TPP2: variants seen among roughly 807,000 people sequenced by gnomAD.
TPP2 encodes tripeptidyl-peptidase 2.
Under a neutral mutation model 155.9 loss-of-function variants are expected in TPP2, and 34 were observed. The observed-to-expected ratio is 0.22, with a 90% CI of 0.17 to 0.29. TPP2 has a LOEUF of 0.29. TPP2 is among the 10% of genes least tolerant of loss of function. The pLI is 1.00. For synonymous variants in TPP2, 510 were observed against 529.4 expected, an observed-to-expected ratio of 0.96 and a Z score of 0.50; for missense variants, 1,028 against 1,522.3, an observed-to-expected ratio of 0.68 and a Z score of 5.40.
intron 3 of TPP2, among the ~76,000 whole-genome samples, chr13:102,614,756 G>A (rs996591938): frequency 1.3e-5 from 2 of 152,158 alleles, no homozygotes; most frequent in Non-Finnish European, 2.9e-5. Flanking sequence ...CTTTAAAACA[G>A]TTCAATAGAA....
rs77315340 is a variant in TPP2 at position 102,677,046 on chromosome 13, T to G, written c.3699+631T>G. 4.9e-3 allele frequency among the ~76,000 whole-genome samples: 752 copies of G among 152,314 alleles called. 7 individuals are homozygous for G. Among genetic ancestry groups the G allele is most frequent in the African/African-American group, 0.017 (716 of 41,578 alleles). On this transcript the variant is annotated intron_variant, in intron 29 of 29. Transcript: ENST00000376052. ...GGGCAAGTCCAGGTTAATTATACTT[T>G]ATATGTAAGGTACCCTTTGGATGTA...
intron 19 of TPP2, among the ~76,000 whole-genome samples, chr13:102,645,215 G>A (rs145490434): frequency 1.3e-5 from 2 of 152,208 alleles, no homozygotes; most frequent in African/African-American, 4.8e-5. Context: ...CAAGGATGGT[G>A]GATAGCCGAT....
chr13:102,620,680 C>T (rs371013450), intron 5 of TPP2, among the ~76,000 whole-genome samples: 70 of 152,284 alleles, frequency 4.6e-4, no homozygotes, highest in East Asian at 7.7e-4. Flanking sequence ...AATTGTTTAG[C>T]GCGTATCTCT....
chr13:102,625,012 A>G (rs1158286064), intron 6 of TPP2, among the ~76,000 whole-genome samples: 1 of 150,786 alleles, frequency 6.6e-6, no homozygotes, highest in Admixed American at 6.6e-5. Context: ...GGCGCGTACC[A>G]CCACACCTGG....
At chr13:102,674,545 C>T in intron 28 of TPP2, 55 bp downstream of exon 28, 6 of 1,558,308 alleles carry the variant, frequency 3.9e-6, no homozygotes, top group Non-Finnish European at 5.3e-6. Flanking sequence ...TCACAGACCT[C>T]TCTTGTGCCC....
chr13:102,632,460 T>C (rs1882083344), intron 10 of TPP2, among the ~76,000 whole-genome samples: 1 of 152,050 alleles, frequency 6.6e-6, no homozygotes, highest in African/African-American at 2.4e-5. Context: ...CAGGCTGGTC[T>C]TGAACTCCTG....
intron 3 of TPP2, 38 bp downstream of exon 3, chr13:102,614,234 T>G: frequency 4.1e-6 from 6 of 1,461,876 alleles, no homozygotes; most frequent in Non-Finnish European, 4.7e-6. Flanking sequence ...TGTATTCTTC[T>G]GACTTGTCTT....
At chr13:102,665,123 G>A (rs978865233) in intron 27 of TPP2, among the ~76,000 whole-genome samples, 198 bp downstream of exon 27, 4 of 152,140 alleles carry the variant, frequency 2.6e-5, no homozygotes, top group Non-Finnish European at 5.9e-5. Flanking sequence ...GTAAGCCCAA[G>A]AAAAGTAGTT....
chr13:102,632,673 A>T lies in TPP2; in HGVS notation c.1245-1277A>T, dbSNP rs146673761. Reference sequence around the variant, plus strand: ...TGACTCTTTCCAGTTATTTTTTCCAATGCTATCAAATACCAATGCTCATTC... The same window carrying T: ...TGACTCTTTCCAGTTATTTTTTCCATTGCTATCAAATACCAATGCTCATTC... On this transcript the variant is annotated intron_variant, in intron 10 of 29. Coordinates refer to ENST00000376052, the MANE Select transcript of TPP2 (RefSeq NM_001330588.2). Among the ~76,000 whole-genome samples, 475 of 152,330 alleles carry T rather than the reference A, an allele frequency of 3.1e-3. 3 individuals carry two copies. Among genetic ancestry groups the T allele is most frequent in the African/African-American group, 0.011 (448 of 41,576 alleles).
chr13:102,626,160 A>G (rs962839576), intron 6 of TPP2, among the ~76,000 whole-genome samples: 9 of 152,140 alleles, frequency 5.9e-5, no homozygotes, highest in African/African-American at 1.9e-4. Context: ...CCTGATCTCC[A>G]TTGCCACATT....
At chr13:102,636,127 T>C in intron 12 of TPP2, 97 bp from the exon 13 acceptor site, 2 of 1,271,732 alleles carry the variant, frequency 1.6e-6, no homozygotes, top group South Asian at 3.1e-5. Context: ...ACACTAACTT[T>C]TTGTTTTACA....
In TPP2 at chr13:102,678,357, A is replaced by G. The variant is rs1212342216; in HGVS notation, c.*41A>G. Reference sequence around the variant, plus strand: ...TTTAAATTTTAAAAAAGGAAGTTTTATAGTGAATGGGTATAAAAACAAATT... The same window carrying G: ...TTTAAATTTTAAAAAAGGAAGTTTTGTAGTGAATGGGTATAAAAACAAATT... On this transcript the variant is annotated 3_prime_UTR_variant, in exon 30 of 30. Transcript: ENST00000376052. 1 of 1,592,078 alleles carries G rather than the reference A, an allele frequency of 6.3e-7. No individual in the cohort carries two copies. The highest frequency in any genetic ancestry group is 2.2e-5 in the East Asian group (1 of 44,696).
At chr13:102,638,645 C>G (rs1338104714) in intron 15 of TPP2, among the ~76,000 whole-genome samples, 3 of 152,184 alleles carry the variant, frequency 2.0e-5, no homozygotes, top group Non-Finnish European at 4.4e-5. Flanking sequence ...GACAATATTA[C>G]TTCACTCCCC....
intron 1 of TPP2, among the ~76,000 whole-genome samples, chr13:102,600,968 TC>T (rs1054568628): frequency 1.3e-5 from 2 of 151,960 alleles, no homozygotes; most frequent in African/African-American, 4.8e-5. Flanking sequence ...ACCACTCATT[TC>T]AGCCTCAAAC....
At chr13:102,644,192 A>G (rs1439979517) in intron 17 of TPP2, among the ~76,000 whole-genome samples, 1 of 152,186 alleles carries the variant, frequency 6.6e-6, no homozygotes, top group African/African-American at 2.4e-5. Flanking sequence ...TATGCCTTAC[A>G]AAGTTGAAGT....
intron 6 of TPP2, 189 bp from the exon 7 acceptor site, chr13:102,626,823 A>G (rs1265715367): frequency 5.1e-6 from 2 of 389,292 alleles, no homozygotes; most frequent in Non-Finnish European, 8.9e-6. Context: ...TATATTCTGG[A>G]TATAAAGCTC....
At chr13:102,620,240 T>C (rs1272540571) in intron 5 of TPP2, among the ~76,000 whole-genome samples, 1 of 152,236 alleles carries the variant, frequency 6.6e-6, no homozygotes, top group African/African-American at 2.4e-5. Context: ...TTGTAGCAGT[T>C]TGTTGACAAC....
intron 17 of TPP2, among the ~76,000 whole-genome samples, chr13:102,643,915 T>C (rs1238830770): frequency 6.6e-6 from 1 of 152,250 alleles, no homozygotes; most frequent in African/African-American, 2.4e-5. Flanking sequence ...GTGTTTTCAG[T>C]TGGTTCTGGG....
At chr13:102,655,019 G>T (rs375069318) in intron 24 of TPP2, 1 of 506,978 alleles carries the variant, frequency 2.0e-6, no homozygotes, top group Non-Finnish European at 3.9e-6. Context: ...TGAGGCCTTT[G>T]TTTACAGGTT....
Sources: gnomAD v4.1 joint callset for allele counts (sites outside exome capture counted in the v4.1 genomes callset) on GRCh38, gnomAD v4.1.1 for gene constraint, MANE v1.5 for transcripts, NCBI Gene and HGNC (gene_info 2026-07-23, HGNC 2026-07-21) for gene names.